FAM227A: variants seen among roughly 807,000 people sequenced by gnomAD.
FAM227A encodes the protein family with sequence similarity 227 member A, also known as protein FAM227A.
FAM227A carries 80 observed loss-of-function variants against 74.7 expected under a neutral mutation model. That is an observed-to-expected ratio of 1.07 (90% CI 0.89 to 1.29). FAM227A has a LOEUF of 1.29. Ranked by LOEUF, FAM227A falls within the 50% of genes most tolerant of loss-of-function variation. The probability of loss-of-function intolerance (pLI) is 0.00; values close to 1 mark genes in which losing one functional copy is unlikely to be tolerated. For missense variants in FAM227A, 654 were observed against 683.4 expected (o/e 0.96, Z 0.48); for synonymous variants, 237 against 241.8 (o/e 0.98, Z 0.19).
At chr22:38,631,059 T>C (rs2091906116) in intron 6 of FAM227A, among the ~76,000 whole-genome samples, 1 of 152,004 alleles carries the variant, frequency 6.6e-6, no homozygotes, top group African/African-American at 2.4e-5. Context: ...TCCCAGGCCC[T>C]TGAGAGGCTG....
intron 6 of FAM227A, among the ~76,000 whole-genome samples, chr22:38,629,417 C>G (rs2091873142): frequency 6.6e-6 from 1 of 152,224 alleles, no homozygotes; most frequent in African/African-American, 2.4e-5. Context: ...TTCACCCTTG[C>G]CCTGGCTCCA....
rs138871600 is a variant in FAM227A, at chr22:38,622,873, C to CAA, written c.958+297_958+298dup. Among the ~76,000 whole-genome samples the CAA allele has an allele frequency of 9.1e-4, 41 of 45,136 alleles. 1 individual carries two copies. The highest frequency in any genetic ancestry group is 3.3e-3 in the East Asian group (5 of 1,520). The allele number at this position is 45,136 out of a possible 152,430, so 29.6% of individuals were successfully genotyped here. A position where few individuals can be genotyped will look rare whatever the true frequency, so the allele number is the denominator to read the frequency against. ...CCTGGGTGACAGAGCAAGACTGTCT[C>CAA]AAAAAAAAAAAAAAAAAAAAAAAAA... On this transcript the variant is annotated intron_variant, in intron 10 of 16. Coordinates refer to ENST00000535113, the MANE Select transcript of FAM227A (RefSeq NM_001013647.2).
At chr22:38,613,353 T>C (rs2091495326) in intron 11 of FAM227A, among the ~76,000 whole-genome samples, 1 of 74,990 alleles carries the variant, frequency 1.3e-5, no homozygotes, top group Non-Finnish European at 2.5e-5. Context: ...ATATATTATA[T>C]AATATATATC....
intron 15 of FAM227A, among the ~76,000 whole-genome samples, chr22:38,596,293 C>T (rs2091043515): frequency 1.3e-5 from 2 of 152,164 alleles, no homozygotes; most frequent in South Asian, 2.1e-4. Flanking sequence ...TGCACTCCAG[C>T]CTAGGCAACA....
rs763479794 is a variant in FAM227A, at chr22:38,583,632, C to G, written c.*2493G>C. ...TTCCCTTTCTGCAGTCAAGAAAGCA[C>G]GTTCAGAAAGGTCAAGATGCACAGC... On this transcript the variant is annotated 3_prime_UTR_variant, in exon 17 of 17. Transcript: ENST00000535113. The G allele has an allele frequency of 6.6e-6, 1 of 152,242 alleles. No homozygotes were observed. The highest frequency in any genetic ancestry group is 2.4e-5 in the African/African-American group (1 of 41,426). 9.4% of individuals were successfully genotyped at this position (152,242 alleles called of 1,614,324 possible).
At chr22:38,606,618 C>T (rs1199531478) in intron 12 of FAM227A, among the ~76,000 whole-genome samples, 2 of 152,200 alleles carry the variant, frequency 1.3e-5, no homozygotes, top group African/African-American at 4.8e-5. Context: ...TTTAACATTA[C>T]TCATGATTTC....
At position 38,591,480 on chromosome 22, in the gene FAM227A, G is replaced by C; in HGVS notation, c.1593C>G (p.Ile531Met). 3 of 1,551,138 alleles carry C rather than the reference G, an allele frequency of 1.9e-6. No homozygotes were observed. The highest frequency in any genetic ancestry group is 1.7e-6 in the Non-Finnish European group (2 of 1,146,798). Reference sequence around the variant, plus strand: ...ATTCCTCATTGACGGCTGAAGGTGGGATGAACATGTGGTTTGCCTTTTTTG... The same window carrying C: ...ATTCCTCATTGACGGCTGAAGGTGGCATGAACATGTGGTTTGCCTTTTTTG... ...ADTKKANHMF[I>M]PPSAVNEESP... Residue 531 changes from isoleucine (I) to methionine (M), a missense_variant, in exon 16 of 17, where the codon ATC (isoleucine) becomes ATG (methionine). By Grantham distance (10) the Ile-to-Met change is conservative. Coordinates refer to ENST00000535113, the MANE Select transcript of FAM227A (RefSeq NM_001013647.2).
rs986760359 is a variant in FAM227A, at chr22:38,597,957, C to A, written c.1380-601G>T. On this transcript the variant is annotated intron_variant, in intron 14 of 16. Transcript: ENST00000535113. ...ACTTGGGAGGCTGAGGCAGGAGAAT[C>A]GCTTGAACCCAGGAGGCGGAAGTTG... 4.0e-5 allele frequency among the ~76,000 whole-genome samples: 6 copies of A among 149,084 alleles called. No homozygotes were observed. In the East Asian group the frequency reaches 1.0e-3, roughly 25 times the overall value.
At chr22:38,612,376 C>T (rs746093823) in intron 11 of FAM227A, among the ~76,000 whole-genome samples, 2 of 152,192 alleles carry the variant, frequency 1.3e-5, no homozygotes, top group Non-Finnish European at 2.9e-5. Context: ...TATTGGCCTT[C>T]TCTGTTTCCT....
intron 12 of FAM227A, 33 bp from the exon 13 acceptor site, chr22:38,605,381 T>C: frequency 3.0e-6 from 4 of 1,335,944 alleles, no homozygotes; most frequent in Non-Finnish European, 4.2e-6. Context: ...AAAATGACCA[T>C]TAGGTTCAAG....
chr22:38,628,550 G>A (rs184416215), intron 7 of FAM227A, among the ~76,000 whole-genome samples: 85 of 152,294 alleles, frequency 5.6e-4, no homozygotes, highest in African/African-American at 1.9e-3. Context: ...GTTGAAGACG[G>A]CACCCTAACA....
chr22:38,613,404 A>ATATTATACATGTT (rs1383582671), intron 11 of FAM227A, among the ~76,000 whole-genome samples: 15 of 102 alleles, frequency 0.15, no homozygotes, highest in Admixed American at 0.25. Flanking sequence ...ATATATTTAT[A>ATATTATACATGTT]ATATATATGA....
intron 2 of FAM227A, among the ~76,000 whole-genome samples, chr22:38,646,541 C>T (rs545907821): frequency 1.3e-5 from 2 of 151,978 alleles, no homozygotes; most frequent in East Asian, 1.9e-4. Context: ...GGATTACAGG[C>T]GTGAGCCACC....
chr22:38,646,242 G>GTTTTTTTT (rs1569240853), intron 2 of FAM227A, among the ~76,000 whole-genome samples: 4 of 125,142 alleles, frequency 3.2e-5, no homozygotes, highest in African/African-American at 1.3e-4. Flanking sequence ...TTTCCTTCCA[G>GTTTTTTTT]TATTTCTTTT....
At chr22:38,624,509 T>C (rs927789042) in intron 9 of FAM227A, among the ~76,000 whole-genome samples, 6 of 152,192 alleles carry the variant, frequency 3.9e-5, no homozygotes, top group African/African-American at 9.7e-5. Context: ...ACCTGGCTAG[T>C]AAACAGTTTC....
chr22:38,611,480 A>T (rs548957513), intron 11 of FAM227A, among the ~76,000 whole-genome samples: 1 of 152,304 alleles, frequency 6.6e-6, no homozygotes, highest in African/African-American at 2.4e-5. Flanking sequence ...AATTCTGGTT[A>T]AATTAGTAGG....
In FAM227A at chr22:38,582,809, G is replaced by T; in HGVS notation, c.*3316C>A. ...CTACTATGGTAACTGCTGCCATAAT[G>T]GGATGGCACAGAATGCTGTTGGAGC... On this transcript the variant is annotated 3_prime_UTR_variant, in exon 17 of 17. Coordinates refer to ENST00000535113, the MANE Select transcript of FAM227A (RefSeq NM_001013647.2). 3 of 1,546,896 alleles carry T rather than the reference G, an allele frequency of 1.9e-6. No homozygotes were observed. In the South Asian group the frequency reaches 3.6e-5, roughly 18 times the overall value.
chr22:38,639,160 A>G (rs2092061354), intron 4 of FAM227A, among the ~76,000 whole-genome samples: 1 of 152,188 alleles, frequency 6.6e-6, no homozygotes, highest in South Asian at 2.1e-4. Flanking sequence ...CTGTAATCCC[A>G]GCACTTTGGG....
chr22:38,582,828 T>C lies in FAM227A; in HGVS notation c.*3297A>G, dbSNP rs764012979. The C allele has an allele frequency of 8.9e-5, 138 of 1,549,732 alleles. No individual in the cohort carries two copies. The African/African-American group carries it at 1.6e-3, about 18-fold the overall frequency. On this transcript the variant is annotated 3_prime_UTR_variant, in exon 17 of 17. Coordinates refer to ENST00000535113, the MANE Select transcript of FAM227A (RefSeq NM_001013647.2). ...CATAATGGGATGGCACAGAATGCTG[T>C]TGGAGCATAATGCAGTGGAGCACTT...
Sources: allele counts gnomAD v4.1 joint callset (sites outside exome capture counted in the v4.1 genomes callset), GRCh38; gene constraint gnomAD v4.1.1; transcripts MANE v1.5; gene names NCBI Gene and HGNC (gene_info 2026-07-23, HGNC 2026-07-21).